Variants in LIG4 observed in about 807,000 individuals in gnomAD.
LIG4 encodes DNA ligase 4, also known as DNA joinase.
LIG4 carries 13 observed loss-of-function variants against 19.0 expected under a neutral mutation model. The ratio of observed to expected loss-of-function variants is 0.68; its 90% CI spans 0.44 to 1.09. The LOEUF (loss-of-function observed/expected upper bound fraction) is 1.09. LIG4 is among the 50% of genes least tolerant of loss of function. The pLI, the probability that LIG4 is intolerant of heterozygous loss-of-function variation, is 0.00. For synonymous variants in LIG4, 361 were observed against 358.2 expected (o/e 1.01, Z -0.09); for missense variants, 1,026 against 1,089.7 (o/e 0.94, Z 0.82).
At chr13:108,212,214 A>AG (rs148966471) in intron 2 of LIG4, among the ~76,000 whole-genome samples, 3,710 of 151,476 alleles carry the variant, frequency 0.024, 156 homozygotes, top group African/African-American at 0.085. Flanking sequence ...AAAGAAAAAA[A>AG]GGGGGGGAGT....
At chr13:108,213,460 G>A (rs1878878296) in intron 2 of LIG4, among the ~76,000 whole-genome samples, 3 of 152,222 alleles carry the variant, frequency 2.0e-5, no homozygotes, top group Admixed American at 1.3e-4. Flanking sequence ...CAAAATGTAG[G>A]TAATGGTGTG....
intron 2 of LIG4, among the ~76,000 whole-genome samples, chr13:108,213,082 T>G (rs1878832756): frequency 6.6e-6 from 1 of 152,290 alleles, no homozygotes; most frequent in East Asian, 1.9e-4. Context: ...AAACCCAGCT[T>G]CTACTGAGTG....
At position 108,215,489 on chromosome 13, in the gene LIG4, G is replaced by T. The variant is rs1449400105; in HGVS notation, c.-107C>A. On this transcript the variant is annotated 5_prime_UTR_variant, in exon 1 of 3. Transcript: ENST00000442234. ...CCACCCCACACCCTTCCCACCTGAC[G>T]TCAAGCCTGAAGCTCAGCCGCTAAG... 1.0e-5 allele frequency: 1 copy of T among 97,776 alleles called. No individual in the cohort carries two copies. Among genetic ancestry groups the T allele is most frequent in the Non-Finnish European group, 2.1e-5 (1 of 47,536 alleles). 6.1% of individuals were successfully genotyped at this position (97,776 alleles called of 1,614,324 possible).
At position 108,210,907 on chromosome 13, in the gene LIG4, T is replaced by C. The variant is rs1392106778; in HGVS notation, c.362A>G (p.Asp121Gly). ...NYRTPTGTHGDAGDFAMIAYF... is the reference protein window; with the variant it reads ...NYRTPTGTHGGAGDFAMIAYF... ...TGCAATCATTGCAAAGTCTCCAGCA[T>C]CTCCATGAGTTCCAGTGGGTGTTCT... The change falls in exon 3 of 3, where the codon GAT becomes GGT. Residue 121 changes from aspartate to glycine, a missense_variant. Asp to Gly is a moderately conservative substitution (Grantham distance 94, BLOSUM62 -1). Coordinates refer to ENST00000442234, the MANE Select transcript of LIG4 (RefSeq NM_206937.2). 1.9e-6 allele frequency: 3 copies of C among 1,614,032 alleles called. No homozygotes were observed. Among genetic ancestry groups the C allele is most frequent in the African/African-American group, 2.7e-5 (2 of 75,068 alleles).
Position 108,211,009 on chromosome 13 carries a change from G to C in LIG4, c.260C>G (p.Thr87Ser), listed in dbSNP as rs1474350577. ...RERMAYGIKE[T>S]MLAKLYIELL... ...CTCAATATAAAGCTTAGCAAGCATA[G>C]TTTCTTTAATTCCATAGGCCATTCT... is the stretch of plus-strand genomic sequence containing the variant. The change falls in exon 3 of 3, where the codon ACT (threonine) becomes AGT (serine). Residue 87 changes from threonine (T) to serine (S), a missense_variant. Physicochemically the swap from Thr to Ser is moderately conservative, Grantham distance 58. Around this residue, in one of 3 missense-constraint regions of LIG4, gnomAD observed 493 missense variants for 544.5 expected, o/e 0.91. Transcript: ENST00000442234. 2.5e-6 allele frequency: 4 copies of C among 1,603,778 alleles called. No individual in the cohort carries two copies. The Middle Eastern group carries it at 5.0e-4, about 200-fold the overall frequency.
Position 108,210,831 on chromosome 13 carries a change from C to T in LIG4, c.438G>A (p.Gln146=). The change falls in exon 3 of 3, where the codon CAG becomes CAA. Residue 146 remains glutamine (Q), a synonymous_variant. Coordinates refer to ENST00000442234, the MANE Select transcript of LIG4 (RefSeq NM_206937.2). ...RCLQKGSLTI[Q]QVNDLLDSIA... is the part of the protein sequence containing the mutation. ...TTGAGTCTAAAAGGTCGTTTACTTG[C>T]TGTATGGTTAAACTTCCTTTCTGTA... 1 of 1,613,878 alleles carries T rather than the reference C, an allele frequency of 6.2e-7. No individual in the cohort carries two copies. The highest frequency in any genetic ancestry group is 8.5e-7 in the Non-Finnish European group (1 of 1,179,924).
chr13:108,208,536 A>C lies in LIG4; in HGVS notation c.2733T>G (p.Ile911Met). The C allele has an allele frequency of 6.2e-7, 1 of 1,602,638 alleles. No homozygotes were observed. The highest frequency in any genetic ancestry group is 8.5e-7 in the Non-Finnish European group (1 of 1,170,108). Reference sequence around the variant, plus strand: ...TTCCTCACTAGGAAACCTAGCTTTAAATCAAATACTGGTTTTCTTCTTGTA... The same window carrying C: ...TTCCTCACTAGGAAACCTAGCTTTACATCAAATACTGGTTTTCTTCTTGTA... ...CELQEENQYL[I>M] Residue 911 changes from isoleucine (I) to methionine (M), a missense_variant, in exon 3 of 3, where the codon ATT becomes ATG. Coordinates refer to ENST00000442234, the MANE Select transcript of LIG4 (RefSeq NM_206937.2).
rs1282833373 is a variant in LIG4 at position 108,215,279 on chromosome 13, C to T, written c.-102+205G>A. ...ACCCCCAACGTGACGCCCTACAGAC[C>T]CCAACCTGACGTCCCACAGATACCC... On this transcript the variant is annotated intron_variant, in intron 1 of 2. Transcript: ENST00000442234. Among the ~76,000 whole-genome samples the T allele has an allele frequency of 3.5e-4, 26 of 74,746 alleles. 1 individual carries two copies. The highest frequency in any genetic ancestry group is 1.4e-3 in the African/African-American group (25 of 17,294). 49.0% of individuals were successfully genotyped at this position (74,746 alleles called of 152,430 possible).
rs1472398271 is a variant in LIG4 at position 108,210,141 on chromosome 13, C to G, written c.1128G>C (p.Lys376Asn). ...TCTTTCTCAGAGTCTCATGCCCTAG[C>G]TTTTTATTATTAACCATCAATACAT... Reference protein sequence around the residue: ...VFDVLMVNNKKLGHETLRKRY... With the variant: ...VFDVLMVNNKNLGHETLRKRY... The change falls in exon 3 of 3, where the codon AAG becomes AAC. Residue 376 changes from lysine to asparagine, a missense_variant. Lys to Asn is a moderately conservative substitution (Grantham distance 94). This residue lies in a region of LIG4 where 493 missense variants were observed against 544.5 expected (regional missense o/e 0.91). Coordinates refer to ENST00000442234, the MANE Select transcript of LIG4 (RefSeq NM_206937.2). The G allele has an allele frequency of 1.2e-6, 2 of 1,613,724 alleles. No homozygotes were observed. Among genetic ancestry groups the G allele is most frequent in the Non-Finnish European group, 1.7e-6 (2 of 1,179,954 alleles).
chr13:108,209,003 G>T lies in LIG4; in HGVS notation c.2266C>A (p.Arg756Ser), dbSNP rs557203390. Residue 756 changes from arginine (R) to serine (S), a missense_variant, in exon 3 of 3, where the codon CGT becomes AGT. This residue lies in a region of LIG4 where 521 missense variants were observed against 515.5 expected (regional missense o/e 1.01). Transcript: ENST00000442234. ...CTATCACCATAGCAATCATATTCACGGGCAAAATGTTCTTTGGTTGATGGG... is the reference window on the plus strand; with the variant it reads ...CTATCACCATAGCAATCATATTCACTGGCAAAATGTTCTTTGGTTGATGGG... ...MCPSTKEHFA[R>S]EYDCYGDSYF... 3.9e-5 allele frequency: 63 copies of T among 1,613,894 alleles called. No homozygotes were observed. The highest frequency in any genetic ancestry group is 1.6e-4 in the Middle Eastern group (1 of 6,084).
chr13:108,210,668 GCTGA>G lies in LIG4; in HGVS notation c.597_600del (p.Gln200LysfsTer33), dbSNP rs752339466. On this transcript the variant is annotated frameshift_variant, in exon 3 of 3. Transcript: ENST00000442234. LOFTEE classifies it high-confidence loss of function. ...TTATGAAAAACAGAAAAGATAGTTT[GCTGA>G]CTAACACCAAGCTTTAAATCCTTTA... The G allele has an allele frequency of 1.4e-5, 22 of 1,613,780 alleles. No individual in the cohort carries two copies. In the South Asian group the frequency reaches 1.8e-4, roughly 13 times the overall value.
chr13:108,216,855 C>T (rs1879322943), upstream of LIG4, among the ~76,000 whole-genome samples: 1 of 152,158 alleles, frequency 6.6e-6, no homozygotes, highest in African/African-American at 2.4e-5. Flanking sequence ...GATTCAAAGC[C>T]CAGTCTCCAT....
rs1374855148 is a variant in LIG4 at position 108,215,513 on chromosome 13, A to G, written c.-131T>C. 7.3e-6 allele frequency: 1 copy of G among 136,764 alleles called. No individual in the cohort carries two copies. Among genetic ancestry groups the G allele is most frequent in the African/African-American group, 2.7e-5 (1 of 37,082 alleles). 8.5% of individuals were successfully genotyped at this position (136,764 alleles called of 1,614,324 possible). ...CGTCAAGCCTGAAGCTCAGCCGCTA[A>G]GCCGGAAGCTGGCGCCAGAAGATGC... is the stretch of plus-strand genomic sequence containing the variant. On this transcript the variant is annotated 5_prime_UTR_variant, in exon 1 of 3. Transcript: ENST00000442234.
Position 108,208,457 on chromosome 13 carries a change from G to T in LIG4, c.*76C>A. 1 of 854,130 alleles carries T rather than the reference G, an allele frequency of 1.2e-6. No individual in the cohort carries two copies. The highest frequency in any genetic ancestry group is 1.9e-6 in the Non-Finnish European group (1 of 527,180). 52.9% of individuals were successfully genotyped at this position (854,130 alleles called of 1,614,324 possible). A position where few individuals can be genotyped will look rare whatever the true frequency, so the allele number is the denominator to read the frequency against. ...TTTTAAGATACAAAAATAAAATGTA[G>T]TTTAGTATTTTATCATTACCACCTG... On this transcript the variant is annotated 3_prime_UTR_variant, in exon 3 of 3. Transcript: ENST00000442234.
chr13:108,209,176 T>C lies in LIG4; in HGVS notation c.2093A>G (p.Tyr698Cys). The C allele has an allele frequency of 6.2e-7, 1 of 1,614,186 alleles. No homozygotes were observed. The highest frequency in any genetic ancestry group is 8.5e-7 in the Non-Finnish European group (1 of 1,180,022). The stretch of plus-strand genomic sequence containing the variant: ...GTTCTCAGACCCTGCAATTACACAG[T>C]ACGTGTCTGGGCCTGGATTTTGTAC... ...YIVQNPGPDTYCVIAGSENIR... is the reference protein window; with the variant it reads ...YIVQNPGPDTCCVIAGSENIR... The change falls in exon 3 of 3, where the codon TAC becomes TGC. Residue 698 changes from tyrosine (Y) to cysteine (C), a missense_variant. Tyr to Cys is a radical substitution (Grantham distance 194). Around this residue, in one of 3 missense-constraint regions of LIG4, gnomAD observed 521 missense variants for 515.5 expected, o/e 1.01. Transcript: ENST00000442234.
At position 108,209,012 on chromosome 13, in the gene LIG4, G is replaced by A; in HGVS notation, c.2257C>T (p.His753Tyr). Residue 753 changes from histidine to tyrosine, a missense_variant, in exon 3 of 3, where the codon CAT (histidine) becomes TAT (tyrosine). Transcript: ENST00000442234. ...TAGCAATCATATTCACGGGCAAAAT[G>A]TTCTTTGGTTGATGGGCACATATGA... Reference protein sequence around the residue: ...MIHMCPSTKEHFAREYDCYGD... With the variant: ...MIHMCPSTKEYFAREYDCYGD... The A allele has an allele frequency of 6.2e-7, 1 of 1,614,096 alleles. No individual in the cohort carries two copies. Among genetic ancestry groups the A allele is most frequent in the Non-Finnish European group, 8.5e-7 (1 of 1,180,012 alleles).
In LIG4 at chr13:108,211,229, C is replaced by T. The variant is rs111480660; in HGVS notation, c.40G>A (p.Val14Ile). ...GTTGAACACAAATCTGCAAAAGGAA[C>T]GTGAGATGCAACAGTTTGTGAAGTT... is the stretch of plus-strand genomic sequence containing the variant. ...SQTSQTVASH[V>I]PFADLCSTLE... Residue 14 changes from valine (V) to isoleucine (I), a missense_variant, in exon 3 of 3, where the codon GTT becomes ATT. Around this residue, in one of 3 missense-constraint regions of LIG4, gnomAD observed 493 missense variants for 544.5 expected, o/e 0.91. Transcript: ENST00000442234. 1.0e-4 allele frequency: 163 copies of T among 1,612,806 alleles called. No individual in the cohort carries two copies. Among genetic ancestry groups the T allele is most frequent in the Non-Finnish European group, 1.2e-4 (145 of 1,179,898 alleles).
At position 108,208,045 on chromosome 13, in the gene LIG4, A is replaced by G. The variant is rs900312928; in HGVS notation, c.*488T>C. On this transcript the variant is annotated 3_prime_UTR_variant, in exon 3 of 3. Coordinates refer to ENST00000442234, the MANE Select transcript of LIG4 (RefSeq NM_206937.2). ...TTTACATTTCATATTTAAATGGGAC[A>G]TTTTAAACCCTGAGTAAAAAGACAT... 2 of 152,676 alleles carry G rather than the reference A, an allele frequency of 1.3e-5. No individual in the cohort carries two copies. The highest frequency in any genetic ancestry group is 4.8e-5 in the African/African-American group (2 of 41,462). 9.5% of individuals were successfully genotyped at this position (152,676 alleles called of 1,614,324 possible).
Position 108,211,261 on chromosome 13 carries a change from G to A in LIG4, c.8C>T (p.Ala3Val), listed in dbSNP as rs1805389. The A allele has an allele frequency of 0.052, 83,864 of 1,608,224 alleles. 2,461 individuals are homozygous for A. The highest frequency in any genetic ancestry group is 0.095 in the East Asian group (4,278 of 44,842). The change falls in exon 3 of 3, where the codon GCC becomes GTC. Residue 3 changes from alanine (A) to valine (V), a missense_variant. Around this residue, in one of 3 missense-constraint regions of LIG4, gnomAD observed 493 missense variants for 544.5 expected, o/e 0.91. Transcript: ENST00000442234. MA[A>V]SQTSQTVASH... Reference sequence around the variant, plus strand: ...TGCAACAGTTTGTGAAGTTTGTGAGGCAGCCATCAAAGCGGTGATGAATCT... The same window carrying A: ...TGCAACAGTTTGTGAAGTTTGTGAGACAGCCATCAAAGCGGTGATGAATCT...
Sources: gnomAD v4.1 joint callset for allele counts (sites outside exome capture counted in the v4.1 genomes callset) on GRCh38, gnomAD v4.1.1 for gene constraint, gnomAD v4.1.1 regional missense constraint, MANE v1.5 for transcripts, NCBI Gene and HGNC (gene_info 2026-07-23, HGNC 2026-07-21) for gene names.